ADAMTSL3: variants seen among roughly 807,000 people sequenced by gnomAD.
ADAMTSL3 encodes the protein ADAMTS like 3.
ADAMTSL3 carries 128 observed loss-of-function variants against 201.7 expected under a neutral mutation model. The observed-to-expected ratio is 0.63, with a 90% CI of 0.55 to 0.73. ADAMTSL3 has a LOEUF of 0.73. Among genes scored for constraint, ADAMTSL3 ranks in the 30% least tolerant of loss-of-function variants. ADAMTSL3 has a pLI of 0.00. For synonymous variants in ADAMTSL3, 738 were observed against 748.4 expected (o/e 0.99, Z 0.23); for missense variants, 1,990 against 2,119.6 (o/e 0.94, Z 1.20).
At chr15:83,928,969 G>A (rs2066298255) in intron 17 of ADAMTSL3, among the ~76,000 whole-genome samples, 1 of 152,114 alleles carries the variant, frequency 6.6e-6, no homozygotes. Flanking sequence ...TCCTAATCAT[G>A]TGTAACTGCC....
intron 27 of ADAMTSL3, among the ~76,000 whole-genome samples, chr15:84,030,952 G>A (rs1048343598): frequency 1.5e-4 from 23 of 152,222 alleles, no homozygotes; most frequent in Admixed American, 9.2e-4. Context: ...CCTCTTTGCC[G>A]CTTGTGAAGA....
intron 3 of ADAMTSL3, among the ~76,000 whole-genome samples, chr15:83,713,371 C>A (rs1457037590): frequency 6.6e-6 from 1 of 152,164 alleles, no homozygotes; most frequent in Non-Finnish European, 1.5e-5. Flanking sequence ...GATTTCTGTT[C>A]TGTTGTGGCC....
At chr15:83,873,618 A>G (rs2065122225) in intron 9 of ADAMTSL3, among the ~76,000 whole-genome samples, 1 of 144,980 alleles carries the variant, frequency 6.9e-6, no homozygotes, top group Non-Finnish European at 1.5e-5. Flanking sequence ...GGCTCAAGCA[A>G]CGCTCCTGCC....
At chr15:83,707,861 C>G (rs1057360616) in intron 3 of ADAMTSL3, among the ~76,000 whole-genome samples, 6 of 152,306 alleles carry the variant, frequency 3.9e-5, no homozygotes, top group African/African-American at 1.2e-4. Flanking sequence ...CAAATTGCAG[C>G]ATACTGGGTG....
rs1053533461 is a variant in ADAMTSL3 at position 83,943,002 on chromosome 15, C to A, written c.2410C>A (p.Gln804Lys). Residue 804 changes from glutamine (Q) to lysine (K), a missense_variant, in exon 19 of 30, where the codon CAA (glutamine) becomes AAA (lysine). Coordinates refer to ENST00000286744, the MANE Select transcript of ADAMTSL3 (RefSeq NM_207517.3). ...SFLNLSDELC[Q>K]GPKASSHKSC... ...TTTGAATCTCTCAGATGAATTGTGC[C>A]AAGGACCCAAGGCATCGTCTCACAA... is the stretch of plus-strand genomic sequence containing the variant. 1.2e-5 allele frequency: 19 copies of A among 1,614,074 alleles called. No homozygotes were observed. The highest frequency in any genetic ancestry group is 1.6e-5 in the Non-Finnish European group (19 of 1,179,968).
chr15:83,899,095 G>T lies in ADAMTSL3; in HGVS notation c.1616-552G>T, dbSNP rs533753496. ...ATTATTCCTTTCTTCACATCAAGGA[G>T]GCTTCAAAGGACAGGAAGGGGGGCA... is the stretch of plus-strand genomic sequence containing the variant. On this transcript the variant is annotated intron_variant, in intron 14 of 29. Transcript: ENST00000286744. Among the ~76,000 whole-genome samples the T allele has an allele frequency of 1.9e-3, 284 of 152,206 alleles. 1 individual carries two copies. The highest frequency in any genetic ancestry group is 6.6e-3 in the African/African-American group (276 of 41,520).
intron 13 of ADAMTSL3, among the ~76,000 whole-genome samples, chr15:83,896,659 T>G (rs1029538715): frequency 2.0e-5 from 3 of 152,112 alleles, no homozygotes; most frequent in Non-Finnish European, 4.4e-5. Context: ...CTGCTCAATA[T>G]TTCTATAAAC....
intron 3 of ADAMTSL3, among the ~76,000 whole-genome samples, chr15:83,709,529 A>G (rs763676471): frequency 1.3e-5 from 2 of 152,104 alleles, no homozygotes; most frequent in Non-Finnish European, 2.9e-5. Flanking sequence ...GGTTCTTTTC[A>G]TCGCTGAGTA....
intron 15 of ADAMTSL3, among the ~76,000 whole-genome samples, chr15:83,910,168 T>G (rs1457955803): frequency 1.3e-5 from 2 of 152,194 alleles, no homozygotes; most frequent in Admixed American, 6.5e-5. Context: ...ATTTTCCCTT[T>G]TACTCTGTTG....
At chr15:84,031,633 A>G (rs2068411491) in intron 28 of ADAMTSL3, among the ~76,000 whole-genome samples, 1 of 152,180 alleles carries the variant, frequency 6.6e-6, no homozygotes, top group South Asian at 2.1e-4. Flanking sequence ...TATAACTATA[A>G]ATTGTTTGGA....
chr15:83,760,223 C>T (rs929249156), intron 3 of ADAMTSL3, among the ~76,000 whole-genome samples: 11 of 152,048 alleles, frequency 7.2e-5, no homozygotes, highest in African/African-American at 1.7e-4. Context: ...GCTTTACTCA[C>T]GTTTTGGTAT....
intron 2 of ADAMTSL3, among the ~76,000 whole-genome samples, chr15:83,683,032 T>C (rs1190584971): frequency 2.0e-5 from 3 of 152,136 alleles, no homozygotes; most frequent in Non-Finnish European, 4.4e-5. Flanking sequence ...TACAAGGAAA[T>C]TCACTTGGAA....
chr15:83,710,411 C>T (rs965019699), intron 3 of ADAMTSL3, among the ~76,000 whole-genome samples: 1 of 152,028 alleles, frequency 6.6e-6, no homozygotes, highest in Non-Finnish European at 1.5e-5. Context: ...CTTTCTGCTA[C>T]TCATTCTGCT....
intron 26 of ADAMTSL3, among the ~76,000 whole-genome samples, chr15:84,022,032 C>T (rs1596546659): frequency 6.6e-6 from 1 of 152,268 alleles, no homozygotes; most frequent in Non-Finnish European, 1.5e-5. Context: ...GGAGGTAAAA[C>T]CATTAATAAG....
Position 83,676,092 on chromosome 15 carries a change from A to G in ADAMTSL3, c.69+20262A>G, listed in dbSNP as rs1444747667. 4.2e-5 allele frequency among the ~76,000 whole-genome samples: 6 copies of G among 143,372 alleles called. No individual in the cohort carries two copies. The Middle Eastern group carries it at 0.014, about 334-fold the overall frequency. The allele number at this position is 143,372 out of a possible 152,430, so 94.1% of individuals were successfully genotyped here. A position where few individuals can be genotyped will look rare whatever the true frequency, so the allele number is the denominator to read the frequency against. ...TTCCTCTGTTGTTTTTCTGTTTTCT[A>G]TTTCAGTGAATTTTGCTCTTTATTA... is the stretch of plus-strand genomic sequence containing the variant. On this transcript the variant is annotated intron_variant, in intron 2 of 29. Coordinates refer to ENST00000286744, the MANE Select transcript of ADAMTSL3 (RefSeq NM_207517.3).
rs1042076363 is a variant in ADAMTSL3, at chr15:83,942,672, C to T, written c.2194C>T (p.His732Tyr). 1 of 1,614,128 alleles carries T rather than the reference C, an allele frequency of 6.2e-7. No homozygotes were observed. Among genetic ancestry groups the T allele is most frequent in the Non-Finnish European group, 8.5e-7 (1 of 1,179,992 alleles). Residue 732 changes from histidine to tyrosine, a missense_variant, in exon 18 of 30, where the codon CAC becomes TAC. Physicochemically the swap from His to Tyr is moderately conservative, Grantham distance 83. Transcript: ENST00000286744. ...GIQTRDVYCL[H>Y]PGETPAPPEE... is the part of the protein sequence containing the mutation. ...TCAGACCCGAGATGTGTACTGCCTG[C>T]ACCCAGGGGAGACCCCTGCCCCTCC... is the stretch of plus-strand genomic sequence containing the variant.
intron 4 of ADAMTSL3, among the ~76,000 whole-genome samples, chr15:83,787,410 A>G (rs1304095706): frequency 6.6e-6 from 1 of 152,220 alleles, no homozygotes; most frequent in East Asian, 1.9e-4. Flanking sequence ...TTGATAAAAA[A>G]ACTCCATGAC....
At chr15:83,780,424 C>CA (rs1567140240) in intron 4 of ADAMTSL3, among the ~76,000 whole-genome samples, 1 of 129,288 alleles carries the variant, frequency 7.7e-6, no homozygotes, top group African/African-American at 2.8e-5. Flanking sequence ...AAAAAAAAAA[C>CA]AAACTTCTCA....
rs566574223 is a variant in ADAMTSL3, at chr15:83,889,207, G to A, written c.1073-902G>A. Among the ~76,000 whole-genome samples, 15 of 152,184 alleles carry A rather than the reference G, an allele frequency of 9.9e-5. No individual in the cohort carries two copies. In the South Asian group the frequency reaches 1.7e-3, roughly 17 times the overall value. Reference sequence around the variant, plus strand: ...TCAGGAATAAGTCTTCATTCCTTCCGTTTGAAGGCTTGTGAGATGAGGGCT... The same window carrying A: ...TCAGGAATAAGTCTTCATTCCTTCCATTTGAAGGCTTGTGAGATGAGGGCT... On this transcript the variant is annotated intron_variant, in intron 10 of 29. Transcript: ENST00000286744.
Sources: gnomAD v4.1 joint callset for allele counts (sites outside exome capture counted in the v4.1 genomes callset) on GRCh38, gnomAD v4.1.1 for gene constraint, MANE v1.5 for transcripts, NCBI Gene and HGNC (gene_info 2026-07-23, HGNC 2026-07-21) for gene names.